SPATA19: variants seen among roughly 807,000 people sequenced by gnomAD.
SPATA19 encodes spermatogenesis associated 19, also known as spermatogenesis-associated protein 19, mitochondrial.
SPATA19 carries 19 observed loss-of-function variants against 25.0 expected under a neutral mutation model. The observed-to-expected ratio is 0.76, with a 90% confidence interval of 0.53 to 1.11. SPATA19 has a LOEUF of 1.11. Ranked by LOEUF, SPATA19 falls within the 50% of genes most tolerant of loss-of-function variation. The pLI, the probability that SPATA19 is intolerant of heterozygous loss-of-function variation, is 0.00. For synonymous variants in SPATA19, 64 were observed against 69.3 expected (o/e 0.92, Z 0.38); for missense variants, 222 against 211.4 (o/e 1.05, Z -0.31).
chr11:133,842,484 C>T lies in SPATA19; in HGVS notation c.437+1G>A, dbSNP rs1027127732. 9.3e-6 allele frequency: 15 copies of T among 1,613,190 alleles called. No homozygotes were observed. The highest frequency in any genetic ancestry group is 1.3e-5 in the Non-Finnish European group (15 of 1,179,116). ...AAATCAAGCAGTTCCAAACAGCTTACCTTCGTCTCACCTGCTCTATTCGAT... is the reference window on the plus strand; with the variant it reads ...AAATCAAGCAGTTCCAAACAGCTTATCTTCGTCTCACCTGCTCTATTCGAT... On this transcript the variant is annotated splice_donor_variant, in intron 5 of 6. Coordinates refer to ENST00000299140, the MANE Select transcript of SPATA19 (RefSeq NM_174927.3). LOFTEE classifies it high-confidence loss of function.
In SPATA19 at chr11:133,844,551, G is replaced by A; in HGVS notation, c.225C>T (p.Ser75=). Residue 75 remains serine (S), a synonymous_variant, in exon 3 of 7, where the codon TCC becomes TCT. Coordinates refer to ENST00000299140, the MANE Select transcript of SPATA19 (RefSeq NM_174927.3). Reference sequence around the variant, plus strand: ...GGATGTCCTGGCCATGGGTGGGAGGGGAGTCAGTGGACATCTTCTCCCTTA... The same window carrying A: ...GGATGTCCTGGCCATGGGTGGGAGGAGAGTCAGTGGACATCTTCTCCCTTA... ...QGVREKMSTD[S]PPTHGQDIHV... 1.9e-6 allele frequency: 3 copies of A among 1,614,140 alleles called. No homozygotes were observed. Among genetic ancestry groups the A allele is most frequent in the Non-Finnish European group, 2.5e-6 (3 of 1,180,026 alleles).
Position 133,842,114 on chromosome 11 carries a change from G to C in SPATA19, c.438-9C>G. The C allele has an allele frequency of 6.2e-7, 1 of 1,613,832 alleles. No homozygotes were observed. The highest frequency in any genetic ancestry group is 8.5e-7 in the Non-Finnish European group (1 of 1,179,926). On this transcript the variant is annotated splice_polypyrimidine_tract_variant and intron_variant, in intron 5 of 6. Coordinates refer to ENST00000299140, the MANE Select transcript of SPATA19 (RefSeq NM_174927.3). The stretch of plus-strand genomic sequence containing the variant: ...CTGTAAGACGGGATATGCTGCAGGG[G>C]ACAGAGGAGAAGGGCCAGGTGGAGG...
At chr11:133,841,359 C>T (rs980856439) in intron 6 of SPATA19, among the ~76,000 whole-genome samples, 7 of 152,176 alleles carry the variant, frequency 4.6e-5, no homozygotes, top group Non-Finnish European at 1.0e-4. Flanking sequence ...TGATAAATGC[C>T]GGTACTGCTC....
intron 4 of SPATA19, among the ~76,000 whole-genome samples, chr11:133,842,809 C>T (rs1938338114): frequency 6.6e-6 from 1 of 152,020 alleles, no homozygotes; most frequent in Non-Finnish European, 1.5e-5. Flanking sequence ...GGACACAGAG[C>T]TGAGTGCCCT....
chr11:133,842,091 G>A lies in SPATA19; in HGVS notation c.452C>T (p.Thr151Ile), dbSNP rs749184159. The A allele has an allele frequency of 1.9e-6, 3 of 1,613,986 alleles. No individual in the cohort carries two copies. The East Asian group carries it at 6.7e-5, about 36-fold the overall frequency. ...EQVRRSISRL[T>I]DVSAQDFSMR... ...ACTGAAGTCCTGAGCTGAGACATCT[G>A]TAAGACGGGATATGCTGCAGGGGAC... The change falls in exon 6 of 7, where the codon ACA (threonine) becomes ATA (isoleucine). Residue 151 changes from threonine to isoleucine, a missense_variant. Coordinates refer to ENST00000299140, the MANE Select transcript of SPATA19 (RefSeq NM_174927.3).
chr11:133,841,908 C>A, intron 6 of SPATA19, 122 bp downstream of exon 6: 1 of 935,998 alleles, frequency 1.1e-6, no homozygotes. Flanking sequence ...GCCCTGAGTG[C>A]AGGCCCTTCC....
intron 4 of SPATA19, 94 bp downstream of exon 4, chr11:133,844,152 A>C: frequency 9.8e-7 from 1 of 1,019,882 alleles, no homozygotes; most frequent in African/African-American, 1.6e-5. Flanking sequence ...CAAAGACGAC[A>C]TCTCTAGAGA....
intron 1 of SPATA19, 60 bp from the exon 2 acceptor site, chr11:133,845,250 C>T (rs913002146): frequency 7.2e-6 from 11 of 1,534,170 alleles, no homozygotes; most frequent in Non-Finnish European, 9.9e-6. Flanking sequence ...TCTTCCCACC[C>T]AGCCCCCGCA....
In SPATA19 at chr11:133,842,198, CAGGCCGTGCCT is replaced by C. The variant is rs1938323719; in HGVS notation, c.438-104_438-94del. On this transcript the variant is annotated intron_variant, in intron 5 of 6. Transcript: ENST00000299140. The stretch of plus-strand genomic sequence containing the variant: ...CGGCACAGGGGCTGCGGTGGGAGGG[CAGGCCGTGCCT>C]AGGCCGTGGCCACACTGGGCCTGGG... The C allele has an allele frequency of 3.1e-6, 4 of 1,295,808 alleles. No homozygotes were observed. In the Admixed American group the frequency reaches 5.1e-5, roughly 16 times the overall value. The allele number at this position is 1,295,808 out of a possible 1,614,324, so 80.3% of individuals were successfully genotyped here. A position where few individuals can be genotyped will look rare whatever the true frequency, so the allele number is the denominator to read the frequency against.
At chr11:133,844,766 C>T in intron 2 of SPATA19, 126 bp from the exon 3 acceptor site, 1 of 1,126,966 alleles carries the variant, frequency 8.9e-7, no homozygotes, top group South Asian at 1.6e-5. Context: ...CACACATACA[C>T]TCCTTACCTC....
downstream of SPATA19, among the ~76,000 whole-genome samples, chr11:133,839,292 CAAT>C (rs1012144517): frequency 2.0e-5 from 3 of 152,240 alleles, no homozygotes; most frequent in South Asian, 2.1e-4. Flanking sequence ...AAATGTCCAA[CAAT>C]GATAGACTGG....
chr11:133,839,696 TA>T (rs1030898059), downstream of SPATA19, among the ~76,000 whole-genome samples: 1 of 151,384 alleles, frequency 6.6e-6, no homozygotes, highest in South Asian at 2.1e-4. Context: ...TTAAAAAATT[TA>T]AAAAAAAGAA....
At chr11:133,844,141 C>A in intron 4 of SPATA19, 105 bp downstream of exon 4, 7 of 938,586 alleles carry the variant, frequency 7.5e-6, no homozygotes, top group South Asian at 6.8e-5. Context: ...AATTTGTCAG[C>A]CAAAGACGAC....
At chr11:133,845,010 G>T in intron 2 of SPATA19, 124 bp downstream of exon 2, 2 of 833,180 alleles carry the variant, frequency 2.4e-6, no homozygotes, top group East Asian at 2.5e-5. Context: ...TCAAATCTAG[G>T]AAGGGTGTCT....
At chr11:133,839,124 G>C (rs551053258), downstream of SPATA19, among the ~76,000 whole-genome samples, 2 of 152,182 alleles carry the variant, frequency 1.3e-5, no homozygotes, top group Non-Finnish European at 2.9e-5. Flanking sequence ...TCAGCGTGGC[G>C]ATTCCTCAGG....
At position 133,842,471 on chromosome 11, in the gene SPATA19, T is replaced by C. The variant is rs757184698; in HGVS notation, c.437+14A>G. 2 of 1,610,672 alleles carry C rather than the reference T, an allele frequency of 1.2e-6. No individual in the cohort carries two copies. Among genetic ancestry groups the C allele is most frequent in the South Asian group, 2.2e-5 (2 of 90,996 alleles). ...CAGTCAGGAACACAAATCAAGCAGT[T>C]CCAAACAGCTTACCTTCGTCTCACC... On this transcript the variant is annotated intron_variant, in intron 5 of 6. Transcript: ENST00000299140.
chr11:133,839,231 C>T (rs1366367876), downstream of SPATA19, among the ~76,000 whole-genome samples: 4 of 152,100 alleles, frequency 2.6e-5, no homozygotes, highest in Non-Finnish European at 5.9e-5. Flanking sequence ...CACATGCACA[C>T]GTATGTTTAT....
rs772558861 is a variant in SPATA19 at position 133,842,480 on chromosome 11, C to CTT, written c.437+3_437+4dup. ...ACACAAATCAAGCAGTTCCAAACAG[C>CTT]TTACCTTCGTCTCACCTGCTCTATT... On this transcript the variant is annotated splice_donor_region_variant and intron_variant, in intron 5 of 6. Coordinates refer to ENST00000299140, the MANE Select transcript of SPATA19 (RefSeq NM_174927.3). The CTT allele has an allele frequency of 4.3e-5, 69 of 1,613,072 alleles. No homozygotes were observed. The highest frequency in any genetic ancestry group is 5.4e-5 in the Non-Finnish European group (64 of 1,179,108).
At position 133,842,572 on chromosome 11, in the gene SPATA19, G is replaced by T. The variant is rs779994554; in HGVS notation, c.360-10C>A. 6.2e-7 allele frequency: 1 copy of T among 1,608,898 alleles called. No homozygotes were observed. The highest frequency in any genetic ancestry group is 8.5e-7 in the Non-Finnish European group (1 of 1,175,258). On this transcript the variant is annotated splice_polypyrimidine_tract_variant and intron_variant, in intron 4 of 6. Transcript: ENST00000299140. Reference sequence around the variant, plus strand: ...GAAGATACGAGTGTGGCTGCAAAAGGCCATTCGTACATTGGCATATGGGAT... The same window carrying T: ...GAAGATACGAGTGTGGCTGCAAAAGTCCATTCGTACATTGGCATATGGGAT...
Sources: gnomAD v4.1 joint callset for allele counts (sites outside exome capture counted in the v4.1 genomes callset) on GRCh38, gnomAD v4.1.1 for gene constraint, MANE v1.5 for transcripts, NCBI Gene and HGNC (gene_info 2026-07-23, HGNC 2026-07-21) for gene names.